The following PRMT8 variants were observed in gnomAD, a reference collection of about 807,000 sequenced individuals.
The protein encoded by PRMT8 is protein arginine N-methyltransferase 8.
In PRMT8, 7 loss-of-function variants were observed where a neutral mutation model predicts 47.1. The observed-to-expected ratio is 0.15, with a 90% CI of 0.08 to 0.28. PRMT8 has a LOEUF of 0.28. Among genes scored for constraint, PRMT8 ranks in the 10% least tolerant of loss-of-function variants. The pLI, the probability that PRMT8 is intolerant of heterozygous loss-of-function variation, is 1.00. For synonymous variants in PRMT8, 188 were observed against 186.5 expected (o/e 1.01, Z -0.07); for missense variants, 237 against 505.4 (o/e 0.47, Z 5.09).
chr12:3,565,979 C>G (rs537888840), intron 4 of PRMT8, among the ~76,000 whole-genome samples: 1 of 152,074 alleles, frequency 6.6e-6, no homozygotes, highest in African/African-American at 2.4e-5. Context: ...CAGGAGAAAA[C>G]ATCTTCTAGG....
At position 3,593,566 on chromosome 12, in the gene PRMT8, CATAGCATCTTTG is replaced by C; in HGVS notation, c.*392_*403del. On this transcript the variant is annotated 3_prime_UTR_variant, in exon 10 of 10. Transcript: ENST00000382622. This position sits in a 1 kb window ranked among gnomAD's most constrained non-coding sequence, Gnocchi z 4.8. ...GATTGCTTCCACTAGAACCTGGAGA[CATAGCATCTTTG>C]ATAGCATAAGCCAGATTATCTGTGT... 7.8e-6 allele frequency: 2 copies of C among 254,802 alleles called. No individual in the cohort carries two copies. The highest frequency in any genetic ancestry group is 1.5e-5 in the Non-Finnish European group (2 of 132,300). 15.8% of individuals were successfully genotyped at this position (254,802 alleles called of 1,614,324 possible).
intron 7 of PRMT8, among the ~76,000 whole-genome samples, chr12:3,582,345 G>C (rs552831407): frequency 6.6e-6 from 1 of 152,280 alleles, no homozygotes; most frequent in African/African-American, 2.4e-5. Context: ...ACGTTCCCCA[G>C]CCAGAACTGA....
chr12:3,396,055 C>A (rs1041920314), intron 1 of PRMT8, among the ~76,000 whole-genome samples: 43 of 151,970 alleles, frequency 2.8e-4, no homozygotes, highest in African/African-American at 9.9e-4. Flanking sequence ...TTTCGTTTTC[C>A]ATTTGCTTGG....
At chr12:3,411,893 G>A (rs529034269) in intron 1 of PRMT8, among the ~76,000 whole-genome samples, 1 of 152,290 alleles carries the variant, frequency 6.6e-6, no homozygotes, top group East Asian at 1.9e-4. Context: ...GAATGACCCG[G>A]TCTCAGCTAT....
chr12:3,437,447 T>C (rs1193792677), intron 1 of PRMT8, among the ~76,000 whole-genome samples: 1 of 151,926 alleles, frequency 6.6e-6, no homozygotes, highest in African/African-American at 2.4e-5. Context: ...GGGTTTGGTG[T>C]ACAGATCACT....
rs994310515 is a variant in PRMT8, at chr12:3,538,411, G to C, written c.76-2195G>C. 5 of 346,330 alleles carry C rather than the reference G, an allele frequency of 1.4e-5. No individual in the cohort carries two copies. The highest frequency in any genetic ancestry group is 3.8e-5 in the Admixed American group (1 of 26,508). 21.5% of individuals were successfully genotyped at this position (346,330 alleles called of 1,614,324 possible). A position where few individuals can be genotyped will look rare whatever the true frequency, so the allele number is the denominator to read the frequency against. The stretch of plus-strand genomic sequence containing the variant: ...CTGTTGGAGATCTGTGCAGTAGGCA[G>C]TTGTGGAATTAAAAGCAACACCCCA... On this transcript the variant is annotated intron_variant, in intron 1 of 9. Coordinates refer to ENST00000382622, the MANE Select transcript of PRMT8 (RefSeq NM_019854.5). The surrounding 1 kb of genome is among the most constrained non-coding windows in gnomAD (Gnocchi z 4.6).
At chr12:3,577,547 C>T (rs1188447544) in intron 7 of PRMT8, among the ~76,000 whole-genome samples, 3 of 152,200 alleles carry the variant, frequency 2.0e-5, no homozygotes, top group African/African-American at 7.2e-5. Context: ...TCCTGAGCGT[C>T]CCTGTTTGTA....
At chr12:3,560,606 G>A (rs1203557895) in intron 4 of PRMT8, among the ~76,000 whole-genome samples, 1 of 152,164 alleles carries the variant, frequency 6.6e-6, no homozygotes, top group Non-Finnish European at 1.5e-5. Flanking sequence ...TGATTGCATT[G>A]GTTTAACTCT....
Position 3,570,160 on chromosome 12 carries a change from AT to A in PRMT8, c.712+598del, listed in dbSNP as rs1378040029. On this transcript the variant is annotated intron_variant, in intron 6 of 9. Transcript: ENST00000382622. The surrounding 1 kb of genome is among the most constrained non-coding windows in gnomAD (Gnocchi z 5.5). ...GGCAGGGGCTCGTATCTAAACATGT[AT>A]TCTTAATGCCTTATCAGCTAGGCGT... Among the ~76,000 whole-genome samples, 3 of 152,090 alleles carry A rather than the reference AT, an allele frequency of 2.0e-5. No homozygotes were observed. The highest frequency in any genetic ancestry group is 4.4e-5 in the Non-Finnish European group (3 of 68,008).
rs4766140 is a variant in PRMT8 at position 3,557,766 on chromosome 12, G to C, written c.481+4052G>C. Among the ~76,000 whole-genome samples the C allele has an allele frequency of 1.1e-3, 168 of 152,252 alleles. 1 individual carries two copies. Among genetic ancestry groups the C allele is most frequent in the Middle Eastern group, 6.8e-3 (2 of 294 alleles). Reference sequence around the variant, plus strand: ...CTGAGCCCTTTGCTAAGGTGTGTTTGTGTGGATGCAGAAGCACCAGGAGTG... The same window carrying C: ...CTGAGCCCTTTGCTAAGGTGTGTTTCTGTGGATGCAGAAGCACCAGGAGTG... On this transcript the variant is annotated intron_variant, in intron 4 of 9. Transcript: ENST00000382622. The surrounding 1 kb of genome is among the most constrained non-coding windows in gnomAD (Gnocchi z 4.7).
At chr12:3,511,197 C>G (rs1053336132) in intron 1 of PRMT8, among the ~76,000 whole-genome samples, 1 of 152,166 alleles carries the variant, frequency 6.6e-6, no homozygotes, top group African/African-American at 2.4e-5. Context: ...TGCCTGTCTT[C>G]CCTTATCATG....
chr12:3,458,954 G>A (rs117252416), intron 1 of PRMT8, among the ~76,000 whole-genome samples: 9 of 152,272 alleles, frequency 5.9e-5, no homozygotes, highest in South Asian at 2.1e-4. Context: ...TGGCCTCATC[G>A]GGTTGGCACT....
intron 1 of PRMT8, among the ~76,000 whole-genome samples, chr12:3,462,415 T>C (rs1865051973): frequency 6.6e-6 from 1 of 152,038 alleles, no homozygotes. Flanking sequence ...ACCATCTTAC[T>C]GATTTACAGA....
chr12:3,529,870 G>C (rs1032396893), intron 1 of PRMT8, among the ~76,000 whole-genome samples: 1 of 152,168 alleles, frequency 6.6e-6, no homozygotes, highest in African/African-American at 2.4e-5. Context: ...CAGTCAGTCA[G>C]CGTCTCTGAA....
intron 1 of PRMT8, among the ~76,000 whole-genome samples, chr12:3,435,875 T>A (rs1002714555): frequency 1.3e-5 from 2 of 152,166 alleles, no homozygotes; most frequent in African/African-American, 4.8e-5. Flanking sequence ...TGTGGGTCCT[T>A]TCCTAGTCCT....
At chr12:3,548,258 C>A (rs549233224) in intron 2 of PRMT8, among the ~76,000 whole-genome samples, 10 of 152,138 alleles carry the variant, frequency 6.6e-5, no homozygotes, top group African/African-American at 2.4e-4. Context: ...AGGAGAGTGT[C>A]TTTGTGACTT....
intron 1 of PRMT8, among the ~76,000 whole-genome samples, chr12:3,383,874 T>C (rs1331253135): frequency 6.6e-6 from 1 of 152,238 alleles, no homozygotes; most frequent in Non-Finnish European, 1.5e-5. Flanking sequence ...TGTGTCTGTG[T>C]TCATGCTGGT....
intron 1 of PRMT8, among the ~76,000 whole-genome samples, chr12:3,480,651 TCC>T (rs5796056): frequency 6.6e-6 from 1 of 151,798 alleles, no homozygotes; most frequent in Non-Finnish European, 1.5e-5. Flanking sequence ...CAGTGCTTCC[TCC>T]CCCCACCGCT....
At chr12:3,532,222 G>A (rs894814446) in intron 1 of PRMT8, among the ~76,000 whole-genome samples, 1 of 150,484 alleles carries the variant, frequency 6.6e-6, no homozygotes, top group Non-Finnish European at 1.5e-5. Context: ...AGTAGTAGAT[G>A]CCCTAATTCC....
Sources: allele counts gnomAD v4.1 joint callset (sites outside exome capture counted in the v4.1 genomes callset), GRCh38; gene constraint gnomAD v4.1.1; non-coding constraint Gnocchi (gnomAD v3.1); transcripts MANE v1.5; gene names NCBI Gene and HGNC (gene_info 2026-07-23, HGNC 2026-07-21).